The following GALNT13 variants were observed in gnomAD, a reference collection of about 807,000 sequenced individuals.
GALNT13 encodes the protein UDP-GalNAc:polypeptide N-acetylgalactosaminyltransferase 13.
A neutral mutation model predicts 64.2 loss-of-function variants in GALNT13; 28 were observed. The ratio of observed to expected loss-of-function variants is 0.44; its 90% CI spans 0.32 to 0.60. The LOEUF (loss-of-function observed/expected upper bound fraction) is 0.60. GALNT13 is among the 20% of genes least tolerant of loss of function. GALNT13 has a pLI of 0.05. For missense variants in GALNT13, 577 were observed against 669.8 expected, an observed-to-expected ratio of 0.86 and a Z score of 1.53; for synonymous variants, 214 against 224.6, an observed-to-expected ratio of 0.95 and a Z score of 0.42.
the GALNT13 span, among the ~76,000 whole-genome samples, chr2:153,271,391 C>G: frequency 6.6e-6 from 1 of 152,178 alleles, no homozygotes; most frequent in East Asian, 1.9e-4. Context: ...AGCCTCAAAT[C>G]TCCTTAAGCT....
intron 9 of GALNT13, among the ~76,000 whole-genome samples, chr2:154,363,372 G>A (rs900683108): frequency 3.3e-5 from 5 of 152,056 alleles, no homozygotes; most frequent in African/African-American, 1.2e-4. Context: ...TTGTGGAGCG[G>A]GGGGAAGCTC....
chr2:153,815,896 C>T, the GALNT13 span, among the ~76,000 whole-genome samples: 1 of 152,152 alleles, frequency 6.6e-6, no homozygotes, highest in African/African-American at 2.4e-5. Flanking sequence ...AGGTTTTAAA[C>T]CTACATCCTA....
chr2:153,713,143 TG>T, the GALNT13 span, among the ~76,000 whole-genome samples: 1 of 152,220 alleles, frequency 6.6e-6, no homozygotes, highest in African/African-American at 2.4e-5. Flanking sequence ...TTTATATATA[TG>T]TTAAATATTA....
At chr2:154,061,341 G>A (rs1574430073) in intron 3 of GALNT13, among the ~76,000 whole-genome samples, 2 of 152,110 alleles carry the variant, frequency 1.3e-5, no homozygotes, top group South Asian at 2.1e-4. Context: ...GTAGCTTTCC[G>A]CCATGTGACC....
At chr2:153,992,740 C>G (rs1003414958) in intron 3 of GALNT13, among the ~76,000 whole-genome samples, 3 of 152,010 alleles carry the variant, frequency 2.0e-5, no homozygotes, top group African/African-American at 4.8e-5. Flanking sequence ...TACCATGATA[C>G]TTTTTAAAAA....
the GALNT13 span, among the ~76,000 whole-genome samples, chr2:153,603,614 G>A: frequency 2.6e-5 from 4 of 151,870 alleles, no homozygotes; most frequent in African/African-American, 9.7e-5. Context: ...AGGTACTATA[G>A]ACTTTGCTGT....
intron 3 of GALNT13, among the ~76,000 whole-genome samples, chr2:154,024,556 G>A (rs1486936428): frequency 6.6e-6 from 1 of 152,014 alleles, no homozygotes; most frequent in African/African-American, 2.4e-5. Flanking sequence ...GTCCTTTAAG[G>A]ACTTCTCTGC....
chr2:154,158,672 T>C (rs1333017737), intron 4 of GALNT13, among the ~76,000 whole-genome samples: 1 of 152,184 alleles, frequency 6.6e-6, no homozygotes, highest in African/African-American at 2.4e-5. Context: ...TTAGGACCTT[T>C]TTACTTCCTA....
the GALNT13 span, among the ~76,000 whole-genome samples, chr2:153,575,410 A>G: frequency 6.6e-6 from 1 of 152,162 alleles, no homozygotes; most frequent in Admixed American, 6.5e-5. Flanking sequence ...GAGCTCTACA[A>G]TGAGAATGTG....
At chr2:154,122,332 A>G (rs1381031107) in intron 3 of GALNT13, among the ~76,000 whole-genome samples, 1 of 151,922 alleles carries the variant, frequency 6.6e-6, no homozygotes, top group African/African-American at 2.4e-5. Flanking sequence ...CTGTTTTAGT[A>G]CCATTTTGTC....
intron 3 of GALNT13, among the ~76,000 whole-genome samples, chr2:154,050,112 A>G (rs900126786): frequency 2.0e-5 from 3 of 152,174 alleles, no homozygotes; most frequent in African/African-American, 4.8e-5. Context: ...ATTGTTTTAT[A>G]TAGTCAACAT....
chr2:153,883,689 C>CA (rs1330509528), intron 1 of GALNT13, among the ~76,000 whole-genome samples: 1 of 149,692 alleles, frequency 6.7e-6, no homozygotes, highest in East Asian at 2.0e-4. Flanking sequence ...GGATTTGGGA[C>CA]AAAAAGGGGA....
chr2:154,194,435 A>G (rs937830580), intron 4 of GALNT13, among the ~76,000 whole-genome samples: 4 of 152,222 alleles, frequency 2.6e-5, no homozygotes, highest in Non-Finnish European at 5.9e-5. Flanking sequence ...AAGTTTAACT[A>G]TGAAAATACA....
At chr2:153,132,934 G>T in the GALNT13 span, among the ~76,000 whole-genome samples, 1 of 151,986 alleles carries the variant, frequency 6.6e-6, no homozygotes, top group South Asian at 2.1e-4. Flanking sequence ...TGTTACCCAG[G>T]CTGGTCTTGA....
intron 8 of GALNT13, among the ~76,000 whole-genome samples, chr2:154,276,399 G>C (rs898003371): frequency 6.6e-6 from 1 of 151,562 alleles, no homozygotes; most frequent in Non-Finnish European, 1.5e-5. Flanking sequence ...TTTGTATTTT[G>C]AGTAGAAACG....
At chr2:154,014,655 C>T (rs1349338073) in intron 3 of GALNT13, among the ~76,000 whole-genome samples, 3 of 19,152 alleles carry the variant, frequency 1.6e-4, no homozygotes, top group Non-Finnish European at 5.3e-4. Flanking sequence ...TTTTTTGAGA[C>T]GGAGTCTTGT....
intron 3 of GALNT13, among the ~76,000 whole-genome samples, chr2:154,116,248 G>C (rs114784164): frequency 1.3e-5 from 2 of 152,072 alleles, no homozygotes; most frequent in African/African-American, 4.8e-5. Flanking sequence ...GCTTCATCAG[G>C]GTCCTCCCAC....
intron 9 of GALNT13, among the ~76,000 whole-genome samples, chr2:154,312,624 C>A (rs919159690): frequency 6.6e-6 from 1 of 152,150 alleles, no homozygotes. Context: ...GAAGTAAAGT[C>A]TATCTTAGCC....
the GALNT13 span, among the ~76,000 whole-genome samples, chr2:153,776,167 AAAAAC>A: frequency 6.6e-6 from 1 of 152,364 alleles, no homozygotes; most frequent in East Asian, 1.9e-4. Flanking sequence ...AAATAAATCA[AAAAAC>A]AAATAATGAA....
Sources: gnomAD v4.1 joint callset for allele counts (sites outside exome capture counted in the v4.1 genomes callset) on GRCh38, gnomAD v4.1.1 for gene constraint, MANE v1.5 for transcripts, NCBI Gene and HGNC (gene_info 2026-07-23, HGNC 2026-07-21) for gene names.